GRIN2D: variants seen among roughly 807,000 people sequenced by gnomAD.
GRIN2D encodes the protein glutamate ionotropic receptor NMDA type subunit 2D.
In GRIN2D, 37 loss-of-function variants were observed where a neutral mutation model predicts 103.2. That is an observed-to-expected ratio of 0.36 (90% confidence interval 0.28 to 0.47). GRIN2D has a LOEUF of 0.47. Ranked by LOEUF, GRIN2D falls within the 20% of genes least tolerant of loss-of-function variation. The pLI is 1.00. For synonymous variants in GRIN2D, 845 were observed against 885.6 expected (o/e 0.95, Z 0.81); for missense variants, 1,557 against 1,910.6 (o/e 0.81, Z 3.45).
intron 3 of GRIN2D, among the ~76,000 whole-genome samples, chr19:48,402,633 C>T (rs1247740204): frequency 2.1e-5 from 3 of 140,698 alleles, no homozygotes; most frequent in Non-Finnish European, 3.0e-5. Context: ...AGGAGAATGG[C>T]GTGAACCCGG....
rs1971328888 is a variant in GRIN2D, at chr19:48,443,230, C to G, written c.3304C>G (p.Pro1102Ala). The change falls in exon 14 of 14, where the codon CCG becomes GCG. Residue 1102 changes from proline to alanine, a missense_variant. This residue lies in a region of GRIN2D where 632 missense variants were observed against 572.8 expected (regional missense o/e 1.10). Transcript: ENST00000263269. The surrounding 1 kb of genome is among the most constrained non-coding windows in gnomAD (Gnocchi z 8.9). Reference sequence around the variant, plus strand: ...GCCCCCGTGCCGCGCCGCGCCGCCCCCGTGCCCTTACCTCGATCTCGAGCC... The same window carrying G: ...GCCCCCGTGCCGCGCCGCGCCGCCCGCGTGCCCTTACCTCGATCTCGAGCC... ...APPPCRAAPPPCPYLDLEPSP... is the reference protein window; with the variant it reads ...APPPCRAAPPACPYLDLEPSP... The G allele has an allele frequency of 1.3e-5, 19 of 1,449,134 alleles. No individual in the cohort carries two copies. The highest frequency in any genetic ancestry group is 1.7e-5 in the Non-Finnish European group (19 of 1,100,810). 89.8% of individuals were successfully genotyped at this position (1,449,134 alleles called of 1,614,324 possible).
At chr19:48,431,396 G>T (rs1334412119) in intron 11 of GRIN2D, among the ~76,000 whole-genome samples, 1 of 152,158 alleles carries the variant, frequency 6.6e-6, no homozygotes, top group Non-Finnish European at 1.5e-5. Flanking sequence ...GCTGGGTATA[G>T]AATTCTGCAT....
At chr19:48,409,603 G>A (rs184569030) in intron 4 of GRIN2D, among the ~76,000 whole-genome samples, 88 of 151,986 alleles carry the variant, frequency 5.8e-4, no homozygotes, top group African/African-American at 1.9e-3. Flanking sequence ...GTTTTGGAGC[G>A]GACAGACATC....
intron 3 of GRIN2D, among the ~76,000 whole-genome samples, chr19:48,399,868 G>A (rs1034892344): frequency 7.7e-4 from 111 of 144,812 alleles, no homozygotes; most frequent in African/African-American, 2.6e-3. Context: ...AGGGGGCGGG[G>A]CTAGCCAGTT....
intron 3 of GRIN2D, among the ~76,000 whole-genome samples, chr19:48,399,454 A>G (rs1369576406): frequency 6.6e-6 from 1 of 152,104 alleles, no homozygotes; most frequent in African/African-American, 2.4e-5. Context: ...TGTAATCCCA[A>G]CTACTCGGGA....
intron 4 of GRIN2D, among the ~76,000 whole-genome samples, chr19:48,410,624 A>G (rs1970846661): frequency 6.6e-6 from 1 of 151,042 alleles, no homozygotes; most frequent in South Asian, 2.1e-4. Context: ...GTTCCACAGC[A>G]CTGGTGAGCC....
At chr19:48,420,287 G>T (rs1971005779) in intron 10 of GRIN2D, among the ~76,000 whole-genome samples, 1 of 151,854 alleles carries the variant, frequency 6.6e-6, no homozygotes, top group African/African-American at 2.4e-5. Context: ...AATTAGCCGG[G>T]CGTGGTGACA....
chr19:48,427,532 T>C (rs1007996282), intron 11 of GRIN2D, among the ~76,000 whole-genome samples: 1 of 136,792 alleles, frequency 7.3e-6, no homozygotes, highest in Non-Finnish European at 1.5e-5. Flanking sequence ...CAGGCTGGAG[T>C]GCAGTGGCGC....
At chr19:48,411,844 G>T (rs1439628447) in intron 4 of GRIN2D, among the ~76,000 whole-genome samples, 1 of 151,856 alleles carries the variant, frequency 6.6e-6, no homozygotes, top group East Asian at 1.9e-4. Context: ...TTTGAAGTTT[G>T]AGGGTGGGAA....
At position 48,414,149 on chromosome 19, in the gene GRIN2D, C is replaced by T; in HGVS notation, c.1200+44C>T. 1 of 1,183,224 alleles carries T rather than the reference C, an allele frequency of 8.5e-7. No homozygotes were observed. The highest frequency in any genetic ancestry group is 1.3e-6 in the Non-Finnish European group (1 of 791,562). 73.3% of individuals were successfully genotyped at this position (1,183,224 alleles called of 1,614,324 possible). On this transcript the variant is annotated intron_variant, in intron 5 of 13. Transcript: ENST00000263269. The surrounding 1 kb of genome is among the most constrained non-coding windows in gnomAD (Gnocchi z 4.6). ...CCTCAGGCATGGCAGAGGGTGTGGACTCCTGCATCCTGGCAGAGGGGGGGC... is the reference window on the plus strand; with the variant it reads ...CCTCAGGCATGGCAGAGGGTGTGGATTCCTGCATCCTGGCAGAGGGGGGGC...
intron 8 of GRIN2D, among the ~76,000 whole-genome samples, chr19:48,417,133 C>T (rs912363523): frequency 1.3e-5 from 2 of 152,008 alleles, no homozygotes; most frequent in East Asian, 1.9e-4. Context: ...CCAGCTACTC[C>T]GGAGGCTGAG....
At chr19:48,433,158 A>G (rs1971179925) in intron 11 of GRIN2D, among the ~76,000 whole-genome samples, 1 of 147,396 alleles carries the variant, frequency 6.8e-6, no homozygotes, top group African/African-American at 2.5e-5. Flanking sequence ...GCCTGAGGTC[A>G]GGAGTTCAAG....
intron 11 of GRIN2D, among the ~76,000 whole-genome samples, chr19:48,441,362 C>CAGAA (rs1971288954): frequency 7.9e-6 from 1 of 127,328 alleles, no homozygotes; most frequent in South Asian, 2.4e-4. Flanking sequence ...GACTCTGTCT[C>CAGAA]AAAAAAAAAA....
Position 48,442,214 on chromosome 19 carries a change from G to T in GRIN2D, c.2505G>T (p.Val835=). 1.9e-6 allele frequency: 3 copies of T among 1,614,190 alleles called. No homozygotes were observed. The highest frequency in any genetic ancestry group is 1.3e-5 in the African/African-American group (1 of 75,040). The change falls in exon 13 of 14, where the codon GTG becomes GTT. Residue 835 remains valine (V), a synonymous_variant. Transcript: ENST00000263269. The surrounding 1 kb of genome is among the most constrained non-coding windows in gnomAD (Gnocchi z 7.2). The part of the protein sequence containing the change: ...SGICHNDKIE[V]MSSKLDIDNM... ...TCTGCCACAATGACAAAATCGAGGT[G>T]ATGAGCAGCAAGCTGGACATCGACA...
At chr19:48,433,590 A>G (rs1365538951) in intron 11 of GRIN2D, among the ~76,000 whole-genome samples, 1 of 152,170 alleles carries the variant, frequency 6.6e-6, no homozygotes, top group African/African-American at 2.4e-5. Flanking sequence ...AAGGAAATGC[A>G]CGTCCTAAAA....
intron 11 of GRIN2D, among the ~76,000 whole-genome samples, chr19:48,422,483 C>G (rs562953138): frequency 7.8e-4 from 118 of 151,954 alleles, no homozygotes; most frequent in Non-Finnish European, 9.9e-4. Flanking sequence ...TGGTGGCACG[C>G]GCCTGTAGTC....
In GRIN2D at chr19:48,398,401, C is replaced by T. The variant is rs2147434047; in HGVS notation, c.9C>T (p.Gly3=). MR[G]AGGPRGPRGP... is the part of the protein sequence containing the mutation. Reference sequence around the variant, plus strand: ...GGCGGGGCCCGCAGGCGATGCGCGGCGCCGGTGGCCCCCGCGGCCCTCGGG... The same window carrying T: ...GGCGGGGCCCGCAGGCGATGCGCGGTGCCGGTGGCCCCCGCGGCCCTCGGG... Residue 3 remains glycine (G), a synonymous_variant, in exon 3 of 14, where the codon GGC becomes GGT. Coordinates refer to ENST00000263269, the MANE Select transcript of GRIN2D (RefSeq NM_000836.4). The T allele has an allele frequency of 1.8e-6, 2 of 1,119,346 alleles. No homozygotes were observed. The highest frequency in any genetic ancestry group is 4.2e-5 in the South Asian group (1 of 23,596). The allele number at this position is 1,119,346 out of a possible 1,614,324, so 69.3% of individuals were successfully genotyped here.
intron 4 of GRIN2D, among the ~76,000 whole-genome samples, chr19:48,413,661 CAAAAAAAA>C (rs11368422): frequency 1.7e-5 from 1 of 57,302 alleles, no homozygotes; most frequent in Non-Finnish European, 3.3e-5. Context: ...GACTCTGTCT[CAAAAAAAA>C]AAAAAAAAAA....
chr19:48,416,076 C>T lies in GRIN2D; in HGVS notation c.1656C>T (p.Phe552=). The change falls in exon 8 of 14, where the codon TTC becomes TTT. Residue 552 remains phenylalanine (F), a synonymous_variant. Transcript: ENST00000263269. ...AGGAGCGCTCCGAGATCGTGGACTT[C>T]TCCGTCCCCTTCGTGGAGACCGGCA... is the stretch of plus-strand genomic sequence containing the variant. ...INEERSEIVD[F]SVPFVETGIS... 1 of 1,614,022 alleles carries T rather than the reference C, an allele frequency of 6.2e-7. No homozygotes were observed. Among genetic ancestry groups the T allele is most frequent in the Non-Finnish European group, 8.5e-7 (1 of 1,179,944 alleles).
Sources: gnomAD v4.1 joint callset for allele counts (sites outside exome capture counted in the v4.1 genomes callset) on GRCh38, gnomAD v4.1.1 for gene constraint, gnomAD v4.1.1 regional missense constraint, Gnocchi (gnomAD v3.1) non-coding constraint, MANE v1.5 for transcripts, NCBI Gene and HGNC (gene_info 2026-07-23, HGNC 2026-07-21) for gene names.